SOX5: variants seen among roughly 807,000 people sequenced by gnomAD.
The protein encoded by SOX5 is SRY-box transcription factor 5.
In SOX5, 9 loss-of-function variants were observed where a neutral mutation model predicts 92.0. That is an observed-to-expected ratio of 0.10 (90% CI 0.06 to 0.17). The LOEUF is 0.17. Among genes scored for constraint, SOX5 ranks in the 10% least tolerant of loss-of-function variants. SOX5 has a pLI of 1.00. For synonymous variants in SOX5, 344 were observed against 336.3 expected (o/e 1.02, Z -0.25); for missense variants, 642 against 944.5 (o/e 0.68, Z 4.20).
At chr12:24,047,079 ATAACACTTTCTTG>A (rs1957113891) in intron 4 of SOX5, among the ~76,000 whole-genome samples, 1 of 152,114 alleles carries the variant, frequency 6.6e-6, no homozygotes, top group Admixed American at 6.6e-5. Flanking sequence ...GGAGGTACGA[ATAACACTTTCTTG>A]GTTTTTCAGA....
chr12:24,397,942 C>A (rs189582493), intron 1 of SOX5, among the ~76,000 whole-genome samples: 1 of 151,926 alleles, frequency 6.6e-6, no homozygotes, highest in Non-Finnish European at 1.5e-5. Context: ...CTCCGACTCC[C>A]GGGTTCACGC....
chr12:23,648,637 C>A (rs1298037448), intron 7 of SOX5, among the ~76,000 whole-genome samples: 2 of 152,036 alleles, frequency 1.3e-5, no homozygotes, highest in Non-Finnish European at 2.9e-5. Context: ...CTACAGGCTG[C>A]AAAGAGTGGT....
chr12:23,774,782 A>G (rs976616629), intron 3 of SOX5, among the ~76,000 whole-genome samples: 1 of 152,200 alleles, frequency 6.6e-6, no homozygotes, highest in African/African-American at 2.4e-5. Flanking sequence ...AAGAAAAAAA[A>G]ATAGTACTGG....
At chr12:24,037,941 T>C (rs1163932040) in intron 4 of SOX5, among the ~76,000 whole-genome samples, 3 of 152,144 alleles carry the variant, frequency 2.0e-5, no homozygotes, top group African/African-American at 4.8e-5. Context: ...AACTTGACAC[T>C]TGAACGCATT....
chr12:24,162,119 A>AT (rs796264006), intron 4 of SOX5, among the ~76,000 whole-genome samples: 5 of 151,490 alleles, frequency 3.3e-5, no homozygotes, highest in African/African-American at 4.8e-5. Flanking sequence ...TGGTCACTGA[A>AT]TTTTTTTTTG....
chr12:23,962,228 A>G (rs1947028434), intron 4 of SOX5, among the ~76,000 whole-genome samples: 2 of 152,016 alleles, frequency 1.3e-5, no homozygotes, highest in Non-Finnish European at 2.9e-5. Flanking sequence ...AACAACAAAA[A>G]AGACCTACTT....
At chr12:23,556,265 A>G (rs569338260) in intron 11 of SOX5, among the ~76,000 whole-genome samples, 1 of 152,212 alleles carries the variant, frequency 6.6e-6, no homozygotes, top group Non-Finnish European at 1.5e-5. Flanking sequence ...GTTGCCTAGA[A>G]AGCCGTTTCC....
intron 3 of SOX5, among the ~76,000 whole-genome samples, chr12:24,228,174 G>C (rs1467189720): frequency 6.6e-6 from 1 of 152,146 alleles, no homozygotes; most frequent in Admixed American, 6.5e-5. Context: ...AAGATATTTT[G>C]TATGCCACAG....
intron 4 of SOX5, among the ~76,000 whole-genome samples, chr12:24,113,588 A>G (rs1947629657): frequency 6.6e-6 from 1 of 152,178 alleles, no homozygotes; most frequent in African/African-American, 2.4e-5. Context: ...AATCTTTCAG[A>G]GACACCATAC....
chr12:24,168,431 G>C (rs1213204510), intron 4 of SOX5, among the ~76,000 whole-genome samples: 1 of 152,110 alleles, frequency 6.6e-6, no homozygotes, highest in Non-Finnish European at 1.5e-5. Context: ...AGAAATAATT[G>C]CAAGGAATTG....
rs1044842481 is a variant in SOX5 at position 23,949,638 on chromosome 12, A to G, written c.-37T>C. The G allele has an allele frequency of 1.2e-6, 2 of 1,613,764 alleles. No homozygotes were observed. Among genetic ancestry groups the G allele is most frequent in the Non-Finnish European group, 1.7e-6 (2 of 1,179,816 alleles). ...ACAATTTCCCTTTGTCACAGCAGCC[A>G]CCTATGATCGTCTCCAACTGAACCT... is the stretch of plus-strand genomic sequence containing the variant. On this transcript the variant is annotated 5_prime_UTR_variant, in exon 1 of 15. Transcript: ENST00000451604.
intron 4 of SOX5, among the ~76,000 whole-genome samples, chr12:23,970,842 T>TATATATATATATATA (rs1234524602): frequency 3.4e-4 from 2 of 5,956 alleles, no homozygotes; most frequent in African/African-American, 4.2e-4. Context: ...ATATATATAA[T>TATATATATATATATA]TTTTTTTTTT....
At chr12:23,807,801 C>A (rs941172303) in intron 3 of SOX5, among the ~76,000 whole-genome samples, 1 of 151,976 alleles carries the variant, frequency 6.6e-6, no homozygotes, top group East Asian at 1.9e-4. Context: ...GTGCCCACCA[C>A]CATGCCCGGC....
intron 1 of SOX5, among the ~76,000 whole-genome samples, chr12:24,524,748 AAT>A: frequency 6.6e-6 from 1 of 152,296 alleles, no homozygotes; most frequent in East Asian, 1.9e-4. Context: ...CTCTATAAAA[AAT>A]AGTACATCAT....
intron 4 of SOX5, among the ~76,000 whole-genome samples, chr12:24,157,370 A>G (rs924038794): frequency 6.6e-6 from 1 of 152,154 alleles, no homozygotes; most frequent in Non-Finnish European, 1.5e-5. Flanking sequence ...AATACCTTTA[A>G]CATTCCACTC....
chr12:24,364,124 C>G (rs1955894585), intron 2 of SOX5, among the ~76,000 whole-genome samples: 1 of 152,124 alleles, frequency 6.6e-6, no homozygotes, highest in Admixed American at 6.5e-5. Flanking sequence ...AAGTGAAACT[C>G]AAAACATGTA....
chr12:24,445,986 A>C (rs1253735812), intron 1 of SOX5, among the ~76,000 whole-genome samples: 1 of 152,222 alleles, frequency 6.6e-6, no homozygotes, highest in African/African-American at 2.4e-5. Context: ...GTATAACGAC[A>C]CAAGGGCCAA....
intron 3 of SOX5, among the ~76,000 whole-genome samples, chr12:23,766,017 A>ATTTATTGACGC (rs2094714748): frequency 6.6e-6 from 1 of 152,196 alleles, no homozygotes; most frequent in Non-Finnish European, 1.5e-5. Context: ...GTTGTTTTCC[A>ATTTATTGACGC]AATGTTTCAT....
intron 7 of SOX5, among the ~76,000 whole-genome samples, chr12:23,656,222 A>G (rs1448362053): frequency 6.6e-6 from 1 of 151,974 alleles, no homozygotes; most frequent in African/African-American, 2.4e-5. Context: ...TTAAAGCCAG[A>G]CAATTAGTTT....
Sources: gnomAD v4.1 joint callset for allele counts (sites outside exome capture counted in the v4.1 genomes callset) on GRCh38, gnomAD v4.1.1 for gene constraint, MANE v1.5 for transcripts, NCBI Gene and HGNC (gene_info 2026-07-23, HGNC 2026-07-21) for gene names.